MIR2052HG: variants seen among roughly 807,000 people sequenced by gnomAD.
MIR2052HG encodes the protein MIR2052 host gene.
intron 4 of MIR2052HG, among the ~76,000 whole-genome samples, chr8:74,709,881 A>G (rs866087095): frequency 6.6e-6 from 1 of 152,134 alleles, no homozygotes; most frequent in Non-Finnish European, 1.5e-5. Flanking sequence ...TGGATTTTGC[A>G]TATTTTATTG....
intron 2 of MIR2052HG, among the ~76,000 whole-genome samples, chr8:74,663,677 C>A (rs1213776245): frequency 6.6e-6 from 1 of 152,202 alleles, no homozygotes; most frequent in East Asian, 1.9e-4. Flanking sequence ...ATTGCAGAAT[C>A]TCAGGAGGCT....
chr8:74,632,851 C>A (rs1254109558), intron 2 of MIR2052HG, among the ~76,000 whole-genome samples: 1 of 151,978 alleles, frequency 6.6e-6, no homozygotes, highest in Non-Finnish European at 1.5e-5. Context: ...CCCTACCTCA[C>A]TGTTTTTATA....
At chr8:74,604,125 G>T in intron 1 of MIR2052HG, 1 of 897,626 alleles carries the variant, frequency 1.1e-6, no homozygotes, top group Non-Finnish European at 1.9e-6. Context: ...CACTCTCCTC[G>T]CGCATCTTCT....
At chr8:74,672,376 A>G (rs1247012545) in intron 2 of MIR2052HG, among the ~76,000 whole-genome samples, 1 of 152,100 alleles carries the variant, frequency 6.6e-6, no homozygotes, top group Non-Finnish European at 1.5e-5. Flanking sequence ...ATAGCATAAT[A>G]TTAGGATGAA....
chr8:74,753,535 C>T (rs1275655607), intron 5 of MIR2052HG, among the ~76,000 whole-genome samples: 2 of 152,152 alleles, frequency 1.3e-5, no homozygotes, highest in South Asian at 2.1e-4. Context: ...TCCTTCGCAT[C>T]GTGGCCAGAC....
chr8:74,641,033 G>T (rs1339873948), intron 2 of MIR2052HG, among the ~76,000 whole-genome samples: 2 of 152,080 alleles, frequency 1.3e-5, no homozygotes, highest in African/African-American at 4.8e-5. Context: ...ATTAAGATGG[G>T]TACTTTTTAA....
chr8:74,676,921 CTACATAATTTCTATGTACCATGCCTCAA>C (rs1261327957), intron 2 of MIR2052HG, among the ~76,000 whole-genome samples: 3 of 151,884 alleles, frequency 2.0e-5, no homozygotes, highest in African/African-American at 7.2e-5. Flanking sequence ...TAGCCTAAAT[CTACATAATTTCTATGTACCATGCCTCAA>C]TAAAGCTGGA....
intron 4 of MIR2052HG, among the ~76,000 whole-genome samples, chr8:74,718,142 C>A (rs907168216): frequency 6.6e-6 from 1 of 152,080 alleles, no homozygotes; most frequent in African/African-American, 2.4e-5. Context: ...ATTGTTGGGG[C>A]AATGGAGACA....
Position 74,682,918 on chromosome 8 carries a change from C to A in MIR2052HG, n.217-19461C>A, listed in dbSNP as rs76802576. The stretch of plus-strand genomic sequence containing the variant: ...ATGGTTCATTCACACAGTAAAATAA[C>A]AATGAAAATGAATGAACCACAAACA... On this transcript the variant is annotated intron_variant and non_coding_transcript_variant, in intron 2 of 6. Coordinates refer to ENST00000523442, the Ensembl canonical transcript of MIR2052HG. Among the ~76,000 whole-genome samples, 751 of 152,084 alleles carry A rather than the reference C, an allele frequency of 4.9e-3. 4 individuals carry two copies. Among genetic ancestry groups the A allele is most frequent in the Non-Finnish European group, 8.0e-3 (542 of 67,960 alleles).
At chr8:74,696,299 A>G (rs951139045) in intron 2 of MIR2052HG, among the ~76,000 whole-genome samples, 2 of 152,166 alleles carry the variant, frequency 1.3e-5, no homozygotes, top group African/African-American at 4.8e-5. Context: ...CAACCTCTCA[A>G]AACCTCTGGG....
chr8:74,650,207 T>A (rs1278596436), intron 2 of MIR2052HG, among the ~76,000 whole-genome samples: 1 of 152,178 alleles, frequency 6.6e-6, no homozygotes, highest in Admixed American at 6.6e-5. Context: ...AGGCAGACAA[T>A]TTCATCACCC....
chr8:74,751,342 T>A (rs1809945400), intron 4 of MIR2052HG, among the ~76,000 whole-genome samples: 1 of 152,226 alleles, frequency 6.6e-6, no homozygotes, highest in Admixed American at 6.5e-5. Flanking sequence ...GCCTAGTGTT[T>A]CTTAACATGA....
intron 4 of MIR2052HG, among the ~76,000 whole-genome samples, chr8:74,718,301 C>T (rs1290144965): frequency 1.3e-5 from 2 of 152,024 alleles, no homozygotes; most frequent in Admixed American, 6.5e-5. Context: ...CAGTTTAGAC[C>T]AGATGACAGG....
intron 4 of MIR2052HG, among the ~76,000 whole-genome samples, chr8:74,748,684 C>G (rs1203360775): frequency 1.3e-5 from 2 of 152,162 alleles, no homozygotes; most frequent in African/African-American, 4.8e-5. Context: ...AACCTGCAGA[C>G]TGCCCAGAGA....
intron 4 of MIR2052HG, among the ~76,000 whole-genome samples, chr8:74,720,484 C>T (rs1352367410): frequency 6.6e-6 from 1 of 152,104 alleles, no homozygotes; most frequent in Admixed American, 6.6e-5. Flanking sequence ...CATGGAATCA[C>T]AAGTGACATA....
chr8:74,636,081 T>A (rs1255418470), intron 2 of MIR2052HG, among the ~76,000 whole-genome samples: 1 of 152,200 alleles, frequency 6.6e-6, no homozygotes, highest in East Asian at 1.9e-4. Context: ...TCTATTTCAG[T>A]TCTTTTTTCT....
chr8:74,600,744 T>G (rs2128729805), intron 1 of MIR2052HG, among the ~76,000 whole-genome samples: 1 of 151,924 alleles, frequency 6.6e-6, no homozygotes, highest in Non-Finnish European at 1.5e-5. Context: ...CCCAGCTAAT[T>G]TTTGTATTTT....
chr8:74,667,346 A>G (rs1001881197), intron 2 of MIR2052HG, among the ~76,000 whole-genome samples: 1 of 152,226 alleles, frequency 6.6e-6, no homozygotes, highest in Non-Finnish European at 1.5e-5. Flanking sequence ...AGGTCAGGAA[A>G]GGAACTCATA....
At chr8:74,674,895 A>C (rs1809034421) in intron 2 of MIR2052HG, among the ~76,000 whole-genome samples, 1 of 151,868 alleles carries the variant, frequency 6.6e-6, no homozygotes, top group African/African-American at 2.4e-5. Context: ...CTTTTCTATT[A>C]CAATTGGAAC....
Sources: gnomAD v4.1 joint callset for allele counts (sites outside exome capture counted in the v4.1 genomes callset) on GRCh38, gnomAD v4.1.1 for gene constraint, MANE v1.5 for transcripts, NCBI Gene and HGNC (gene_info 2026-07-23, HGNC 2026-07-21) for gene names.